Variants in SLC25A24 observed in about 807,000 individuals in gnomAD.
The protein encoded by SLC25A24 is solute carrier family 25 member 24, also known as mitochondrial adenyl nucleotide antiporter SLC25A24.
Under a neutral mutation model 60.7 loss-of-function variants are expected in SLC25A24, and 49 were observed. That is an observed-to-expected ratio of 0.81 (90% CI 0.64 to 1.02). The LOEUF (loss-of-function observed/expected upper bound fraction) is 1.02, where lower values mean the gene tolerates loss of function less well. Among genes scored for constraint, SLC25A24 ranks in the 50% least tolerant of loss-of-function variants. SLC25A24 has a pLI of 0.00. For missense variants in SLC25A24, 564 were observed against 586.3 expected (o/e 0.96, Z 0.39); for synonymous variants, 202 against 200.6 (o/e 1.01, Z -0.06).
rs1680125968 is a variant in SLC25A24 at position 108,162,792 on chromosome 1, A to C, written c.399-1499T>G. On this transcript the variant is annotated intron_variant, in intron 3 of 9. Transcript: ENST00000565488. ...TTCTTTTGCTGTGCAGAAGCTCTTT[A>C]GTTTAATTAGATCCCATTTGTCAAT... Among the ~76,000 whole-genome samples, 11 of 151,114 alleles carry C rather than the reference A, an allele frequency of 7.3e-5. No homozygotes were observed. In the South Asian group the frequency reaches 2.3e-3, roughly 32 times the overall value.
chr1:108,160,820 C>T (rs1037124392), intron 4 of SLC25A24, among the ~76,000 whole-genome samples: 5 of 152,290 alleles, frequency 3.3e-5, no homozygotes, highest in East Asian at 1.9e-4. Flanking sequence ...CGTGGCGGTG[C>T]GCGCCTGCAA....
At chr1:108,167,625 A>G (rs1441080750) in intron 3 of SLC25A24, among the ~76,000 whole-genome samples, 1 of 152,220 alleles carries the variant, frequency 6.6e-6, no homozygotes, top group African/African-American at 2.4e-5. Flanking sequence ...TTCCCGAGTG[A>G]GGCAATGCCT....
rs186846671 is a variant in SLC25A24 at position 108,137,499 on chromosome 1, G to A, written c.1250-662C>T. Among the ~76,000 whole-genome samples, 140 of 152,334 alleles carry A rather than the reference G, an allele frequency of 9.2e-4. 2 individuals carry two copies. The highest frequency in any genetic ancestry group is 4.3e-3 in the South Asian group (21 of 4,830). ...AATTGTTGTATGTGGTTATTACACA[G>A]AGAGTGAACAAAGTGGGGCTAGATT... On this transcript the variant is annotated intron_variant, in intron 9 of 9. Transcript: ENST00000565488.
chr1:108,149,644 T>C (rs1342676232), intron 6 of SLC25A24, among the ~76,000 whole-genome samples: 1 of 152,162 alleles, frequency 6.6e-6, no homozygotes, highest in East Asian at 1.9e-4. Context: ...GCCAGATTCC[T>C]TCTCTCAGAA....
At position 108,187,927 on chromosome 1, in the gene SLC25A24, G is replaced by GATATATATATATAGATAT. The variant is rs1553256782; in HGVS notation, c.184-1974_184-1973insATATCTATATATATATAT. Among the ~76,000 whole-genome samples, 53 of 95,776 alleles carry GATATATATATATAGATAT rather than the reference G, an allele frequency of 5.5e-4. 2 individuals are homozygous for GATATATATATATAGATAT. Among genetic ancestry groups the GATATATATATATAGATAT allele is most frequent in the Non-Finnish European group, 8.5e-4 (41 of 48,146 alleles). The allele number at this position is 95,776 out of a possible 152,430, so 62.8% of individuals were successfully genotyped here. ...TACACGAAATGGATAAGACATTATA[G>GATATATATATATAGATAT]ATATATATATATATATATTCATGCA... On this transcript the variant is annotated intron_variant, in intron 1 of 9. Transcript: ENST00000565488.
Position 108,157,513 on chromosome 1 carries a change from A to G in SLC25A24, c.618T>C (p.Ala206=). 6 of 1,614,216 alleles carry G rather than the reference A, an allele frequency of 3.7e-6. No homozygotes were observed. The highest frequency in any genetic ancestry group is 5.1e-6 in the Non-Finnish European group (6 of 1,180,040). ...RQLLAGGIAG[A]VSRTSTAPLD... ...AAGGGGCAGTGCTTGTTCGAGAGACAGCACCAGCAATGCCTCCTGCCAAAA... is the reference window on the plus strand; with the variant it reads ...AAGGGGCAGTGCTTGTTCGAGAGACGGCACCAGCAATGCCTCCTGCCAAAA... Residue 206 remains alanine, a synonymous_variant, in exon 5 of 10, where the codon GCT becomes GCC. Transcript: ENST00000565488.
At chr1:108,180,115 G>A (rs1647859968) in intron 3 of SLC25A24, among the ~76,000 whole-genome samples, 1 of 152,098 alleles carries the variant, frequency 6.6e-6, no homozygotes, top group African/African-American at 2.4e-5. Context: ...TGTAATCCCA[G>A]CACTTTGGGA....
chr1:108,188,106 C>G (rs998210538), intron 1 of SLC25A24, among the ~76,000 whole-genome samples: 1 of 151,674 alleles, frequency 6.6e-6, no homozygotes, highest in African/African-American at 2.4e-5. Flanking sequence ...GGCCATTATC[C>G]TAAGCGAATC....
intron 8 of SLC25A24, among the ~76,000 whole-genome samples, chr1:108,140,019 G>T (rs1028406936): frequency 6.6e-6 from 1 of 151,994 alleles, no homozygotes; most frequent in Admixed American, 6.6e-5. Context: ...ATAATTAGGA[G>T]AAACTGTATA....
chr1:108,143,892 A>C (rs896900691), intron 7 of SLC25A24, among the ~76,000 whole-genome samples, 182 bp from the exon 8 acceptor site: 1 of 152,222 alleles, frequency 6.6e-6, no homozygotes, highest in Non-Finnish European at 1.5e-5. Flanking sequence ...CCAAAGCCAG[A>C]GAGACCCGTT....
chr1:108,200,329 C>G lies in SLC25A24; in HGVS notation c.-191G>C, dbSNP rs1344021328. ...AGCGGAGACCCCACCCGAGCCCGCG[C>G]GGAGCGCAGGGTGTGGCCGTCCCGC... is the stretch of plus-strand genomic sequence containing the variant. On this transcript the variant is annotated 5_prime_UTR_variant, in exon 1 of 10. Coordinates refer to ENST00000565488, the MANE Select transcript of SLC25A24 (RefSeq NM_013386.5). 4 of 362,596 alleles carry G rather than the reference C, an allele frequency of 1.1e-5. No individual in the cohort carries two copies. Among genetic ancestry groups the G allele is most frequent in the African/African-American group, 2.2e-5 (1 of 46,088 alleles). 22.5% of individuals were successfully genotyped at this position (362,596 alleles called of 1,614,324 possible).
intron 4 of SLC25A24, among the ~76,000 whole-genome samples, chr1:108,160,028 C>T (rs900411724): frequency 2.2e-4 from 33 of 152,134 alleles, no homozygotes; most frequent in South Asian, 2.1e-3. Context: ...CTCCTCACTT[C>T]CCTGTAGGGG....
chr1:108,141,510 C>A (rs1679442747), intron 8 of SLC25A24, among the ~76,000 whole-genome samples: 1 of 152,128 alleles, frequency 6.6e-6, no homozygotes, highest in African/African-American at 2.4e-5. Flanking sequence ...AATTCCACTT[C>A]TGAGTATATG....
intron 3 of SLC25A24, among the ~76,000 whole-genome samples, chr1:108,169,183 G>A (rs1023118992): frequency 2.0e-5 from 3 of 152,136 alleles, no homozygotes; most frequent in Admixed American, 2.0e-4. Context: ...GTCTGTTTCT[G>A]TAGAAACAGC....
In SLC25A24 at chr1:108,136,570, G is replaced by A; in HGVS notation, c.*83C>T. 1 of 1,220,038 alleles carries A rather than the reference G, an allele frequency of 8.2e-7. No individual in the cohort carries two copies. Among genetic ancestry groups the A allele is most frequent in the Admixed American group, 2.1e-5 (1 of 46,714 alleles). 75.6% of individuals were successfully genotyped at this position (1,220,038 alleles called of 1,614,324 possible). ...AAAAAATGCAGCTTCTTTTGCCATAGACTTGTTTCAATTCGAGGAGAAAAA... is the reference window on the plus strand; with the variant it reads ...AAAAAATGCAGCTTCTTTTGCCATAAACTTGTTTCAATTCGAGGAGAAAAA... On this transcript the variant is annotated 3_prime_UTR_variant, in exon 10 of 10. Transcript: ENST00000565488.
intron 3 of SLC25A24, among the ~76,000 whole-genome samples, chr1:108,168,844 T>TC (rs1214748329): frequency 6.6e-6 from 1 of 152,230 alleles, no homozygotes. Flanking sequence ...ATTTAATCTT[T>TC]TTAATGCAGC....
chr1:108,168,028 G>A (rs144668512), intron 3 of SLC25A24, among the ~76,000 whole-genome samples: 18 of 152,174 alleles, frequency 1.2e-4, no homozygotes, highest in Non-Finnish European at 2.1e-4. Context: ...GCACAAAGAA[G>A]GTGCTCATTT....
chr1:108,175,132 T>C (rs1436798619), intron 3 of SLC25A24, among the ~76,000 whole-genome samples: 1 of 152,146 alleles, frequency 6.6e-6, no homozygotes, highest in Non-Finnish European at 1.5e-5. Context: ...AAAAATGATA[T>C]GGTTTGGCTG....
At chr1:108,139,512 T>A (rs1679388011) in intron 8 of SLC25A24, among the ~76,000 whole-genome samples, 1 of 152,182 alleles carries the variant, frequency 6.6e-6, no homozygotes, top group South Asian at 2.1e-4. Context: ...ATAATATAAT[T>A]CTACTAATTG....
Sources: allele counts gnomAD v4.1 joint callset (sites outside exome capture counted in the v4.1 genomes callset), GRCh38; gene constraint gnomAD v4.1.1; transcripts MANE v1.5; gene names NCBI Gene and HGNC (gene_info 2026-07-23, HGNC 2026-07-21).